Variants in CACNA1C observed in about 807,000 individuals in gnomAD.
CACNA1C encodes the protein voltage-dependent L-type calcium channel subunit alpha-1C.
CACNA1C carries 30 observed loss-of-function variants against 229.0 expected under a neutral mutation model. The ratio of observed to expected loss-of-function variants is 0.13; its 90% CI spans 0.10 to 0.18. The LOEUF is 0.18. CACNA1C is among the 10% of genes least tolerant of loss of function. The pLI is 1.00. For missense variants in CACNA1C, 1,658 were observed against 2,845.0 expected (o/e 0.58, Z 9.49); for synonymous variants, 1,114 against 1,132.5 (o/e 0.98, Z 0.33).
At chr12:2,556,319 G>A (rs2044241222) in intron 10 of CACNA1C, among the ~76,000 whole-genome samples, 1 of 152,052 alleles carries the variant, frequency 6.6e-6, no homozygotes, top group African/African-American at 2.4e-5. Flanking sequence ...ACCCTTCCAG[G>A]CAGCCACCCT....
At chr12:2,517,839 C>T (rs1368037588) in intron 9 of CACNA1C, among the ~76,000 whole-genome samples, 2 of 152,220 alleles carry the variant, frequency 1.3e-5, no homozygotes, top group Non-Finnish European at 2.9e-5. Context: ...GAAAAAGAGA[C>T]AGATTCTCTT....
intron 3 of CACNA1C, among the ~76,000 whole-genome samples, chr12:2,413,350 A>G (rs921196430): frequency 2.0e-5 from 3 of 152,232 alleles, no homozygotes; most frequent in African/African-American, 7.2e-5. Flanking sequence ...GCATGAACAA[A>G]TGAAAGCAAT....
At chr12:2,263,433 C>G (rs1205519582) in intron 3 of CACNA1C, among the ~76,000 whole-genome samples, 2 of 152,004 alleles carry the variant, frequency 1.3e-5, no homozygotes, top group African/African-American at 4.8e-5. Context: ...ATTGTGATGA[C>G]TGTGGTGCTA....
At chr12:2,057,012 A>G (rs534103486) in intron 1 of CACNA1C, among the ~76,000 whole-genome samples, 132 of 152,328 alleles carry the variant, frequency 8.7e-4, no homozygotes, top group Non-Finnish European at 1.5e-3. Context: ...AAGACTGTTT[A>G]AAGATTTCTT....
intron 3 of CACNA1C, among the ~76,000 whole-genome samples, chr12:2,385,777 C>T (rs1019156300): frequency 1.3e-5 from 2 of 152,188 alleles, no homozygotes; most frequent in African/African-American, 4.8e-5. Flanking sequence ...GGTTTTCACC[C>T]CTGGGTGTAT....
In CACNA1C at chr12:2,467,716, G is replaced by A. The variant is rs1021780775; in HGVS notation, c.757+10010G>A. On this transcript the variant is annotated intron_variant, in intron 5 of 46. Coordinates refer to ENST00000399655, the MANE Select transcript of CACNA1C (RefSeq NM_000719.7). This position sits in a 1 kb window ranked among gnomAD's most constrained non-coding sequence, Gnocchi z 4.6. ...ACCTGCCAGGCCCACCCTCTCCCCC[G>A]GTGTCTCCTGATCTCCCAGTGTGGA... Among the ~76,000 whole-genome samples, 3 of 151,344 alleles carry A rather than the reference G, an allele frequency of 2.0e-5. No individual in the cohort carries two copies. The highest frequency in any genetic ancestry group is 2.1e-4 in the South Asian group (1 of 4,772).
intron 3 of CACNA1C, among the ~76,000 whole-genome samples, chr12:2,385,838 C>G (rs780862729): frequency 6.6e-6 from 1 of 152,176 alleles, no homozygotes; most frequent in Non-Finnish European, 1.5e-5. Flanking sequence ...GGGTCTCACC[C>G]GTAGTGACTC....
At chr12:2,220,435 A>G (rs2061166971) in intron 3 of CACNA1C, 1 of 152,418 alleles carries the variant, frequency 6.6e-6, no homozygotes, top group Non-Finnish European at 1.5e-5. Flanking sequence ...GGGTGCTGAT[A>G]TTTGGTGTGA....
At chr12:2,528,005 C>T (rs902525902) in intron 9 of CACNA1C, among the ~76,000 whole-genome samples, 3 of 152,162 alleles carry the variant, frequency 2.0e-5, no homozygotes, top group African/African-American at 7.2e-5. Context: ...TTCCATAATC[C>T]CTTAGTAAAC....
At chr12:2,312,043 A>G (rs1217802059) in intron 3 of CACNA1C, among the ~76,000 whole-genome samples, 1 of 152,184 alleles carries the variant, frequency 6.6e-6, no homozygotes, top group Non-Finnish European at 1.5e-5. Context: ...GTAATACAAG[A>G]GGGTGAAGTT....
intron 3 of CACNA1C, chr12:2,217,984 C>T (rs1415385344): frequency 1.3e-5 from 2 of 152,210 alleles, no homozygotes; most frequent in Non-Finnish European, 2.9e-5. Context: ...TCAGTCTCCA[C>T]TTCTACCCGT....
Position 2,512,274 on chromosome 12 carries a change from C to A in CACNA1C, c.1218-538C>A, listed in dbSNP as rs1252996965. On this transcript the variant is annotated intron_variant, in intron 8 of 46. Coordinates refer to ENST00000399655, the MANE Select transcript of CACNA1C (RefSeq NM_000719.7). The surrounding 1 kb of genome is among the most constrained non-coding windows in gnomAD (Gnocchi z 4.3). ...AGCTACCAGCGAGACATCCCTGAAG[C>A]CAGAGTTGGGAAGAGACATGAATGA... 6.6e-6 allele frequency among the ~76,000 whole-genome samples: 1 copy of A among 152,092 alleles called. No individual in the cohort carries two copies. Among genetic ancestry groups the A allele is most frequent in the Non-Finnish European group, 1.5e-5 (1 of 68,026 alleles).
Position 1,978,748 on chromosome 12 carries a change from T to C in CACNA1C, c.139+7547T>C, listed in dbSNP as rs149191632. On this transcript the variant is annotated intron_variant, in intron 1 of 46. Coordinates refer to the CACNA1C transcript ENST00000682462. ...TATCACCCTAGATTAGTTTTGCCTG[T>C]TCTTCAACTTCATATAAACTTCATA... is the stretch of plus-strand genomic sequence containing the variant. Among the ~76,000 whole-genome samples the C allele has an allele frequency of 7.8e-3, 1,193 of 152,344 alleles. 9 individuals are homozygous for C. Among genetic ancestry groups the C allele is most frequent in the South Asian group, 0.015 (73 of 4,828 alleles).
At chr12:2,205,239 A>G (rs895839143) in intron 3 of CACNA1C, among the ~76,000 whole-genome samples, 5 of 152,192 alleles carry the variant, frequency 3.3e-5, no homozygotes, top group Admixed American at 6.5e-5. Context: ...ACACTGGGAA[A>G]GCCAGTGTGT....
intron 1 of CACNA1C, among the ~76,000 whole-genome samples, chr12:2,045,770 C>T (rs1185760552): frequency 6.6e-6 from 1 of 152,056 alleles, no homozygotes; most frequent in Non-Finnish European, 1.5e-5. Flanking sequence ...GGTTGAATAG[C>T]AGCCGCTCAG....
chr12:2,381,341 A>G (rs1470749168), intron 3 of CACNA1C, among the ~76,000 whole-genome samples: 1 of 152,264 alleles, frequency 6.6e-6, no homozygotes, highest in Non-Finnish European at 1.5e-5. Flanking sequence ...CCAAGGATCC[A>G]TCTTCCTCTT....
At chr12:2,672,534 C>T (rs1207178122) in intron 38 of CACNA1C, among the ~76,000 whole-genome samples, 1 of 152,112 alleles carries the variant, frequency 6.6e-6, no homozygotes, top group Non-Finnish European at 1.5e-5. Flanking sequence ...GAGTCTGTTC[C>T]ACCCTTTCTC....
At chr12:2,047,276 C>T (rs1310072921) in intron 1 of CACNA1C, among the ~76,000 whole-genome samples, 3 of 152,230 alleles carry the variant, frequency 2.0e-5, no homozygotes, top group African/African-American at 7.2e-5. Flanking sequence ...CTCAACAAAT[C>T]TTTTTCACAG....
chr12:1,977,500 A>G (rs1370109896), intron 1 of CACNA1C, among the ~76,000 whole-genome samples: 1 of 152,246 alleles, frequency 6.6e-6, no homozygotes, highest in Non-Finnish European at 1.5e-5. Flanking sequence ...ATACACATAT[A>G]ACAATTCTAG....
Sources: gnomAD v4.1 joint callset for allele counts (sites outside exome capture counted in the v4.1 genomes callset) on GRCh38, gnomAD v4.1.1 for gene constraint, Gnocchi (gnomAD v3.1) non-coding constraint, MANE v1.5 for transcripts, NCBI Gene and HGNC (gene_info 2026-07-23, HGNC 2026-07-21) for gene names.